The following CSMD1 variants were observed in gnomAD, a reference collection of about 807,000 sequenced individuals.
The protein encoded by CSMD1 is CUB and sushi domain-containing protein 1.
In CSMD1, 213 loss-of-function variants were observed where a neutral mutation model predicts 417.5. That is an observed-to-expected ratio of 0.51 (90% CI 0.46 to 0.57). CSMD1 has a LOEUF of 0.57. CSMD1 is among the 20% of genes least tolerant of loss of function. CSMD1 has a pLI of 0.00. For missense variants in CSMD1, 6,923 were observed against 4,529.7 expected, an observed-to-expected ratio of 1.53 and a Z score of -15.17; for synonymous variants, 2,862 against 1,736.8, an observed-to-expected ratio of 1.65 and a Z score of -16.11.
At chr8:4,787,577 C>T (rs1421286283) in intron 1 of CSMD1, 1 of 1,503,158 alleles carries the variant, frequency 6.7e-7, no homozygotes, top group Non-Finnish European at 9.2e-7. Flanking sequence ...TTTCATTGCA[C>T]CCCAGTGCGA....
At chr8:4,098,403 T>C (rs1801135652) in intron 3 of CSMD1, among the ~76,000 whole-genome samples, 1 of 141,852 alleles carries the variant, frequency 7.0e-6, no homozygotes, top group South Asian at 2.1e-4. Context: ...AATGGATTTG[T>C]CATTTTTTTC....
rs148155592 is a variant in CSMD1 at position 3,067,050 on chromosome 8, G to A, written c.7475-14403C>T. ...CCCCTCCTTCAACCTCATCTCTTTC[G>A]CTCAGCCTGTGCCAGGTGCTAAGCC... On this transcript the variant is annotated intron_variant, in intron 49 of 69. Coordinates refer to ENST00000635120, the MANE Select transcript of CSMD1 (RefSeq NM_033225.6). Among the ~76,000 whole-genome samples, 1,482 of 151,748 alleles carry A rather than the reference G, an allele frequency of 9.8e-3. 26 individuals carry two copies. Among genetic ancestry groups the A allele is most frequent in the African/African-American group, 0.034 (1,395 of 41,468 alleles).
chr8:4,338,412 G>T (rs987231187), intron 3 of CSMD1, among the ~76,000 whole-genome samples: 20 of 152,090 alleles, frequency 1.3e-4, no homozygotes, highest in African/African-American at 4.6e-4. Context: ...TAGTGTGGAT[G>T]AATCAAGACC....
intron 1 of CSMD1, among the ~76,000 whole-genome samples, chr8:4,876,599 T>G (rs1293894625): frequency 6.6e-6 from 1 of 152,142 alleles, no homozygotes; most frequent in Admixed American, 6.6e-5. Context: ...AGCCTTTTTT[T>G]GTAAACTTAG....
chr8:3,992,225 A>T (rs1288619450), intron 5 of CSMD1, among the ~76,000 whole-genome samples: 4 of 152,066 alleles, frequency 2.6e-5, no homozygotes, highest in East Asian at 3.9e-4. Context: ...TGCTATACTA[A>T]ACACTTCTAA....
At chr8:3,446,941 T>A (rs1585177394) in intron 12 of CSMD1, among the ~76,000 whole-genome samples, 1 of 152,208 alleles carries the variant, frequency 6.6e-6, no homozygotes, top group African/African-American at 2.4e-5. Flanking sequence ...ATAATTAGCA[T>A]GTTGTCTGCT....
At chr8:3,112,793 A>C (rs1816599703) in intron 42 of CSMD1, among the ~76,000 whole-genome samples, 1 of 152,208 alleles carries the variant, frequency 6.6e-6, no homozygotes, top group South Asian at 2.1e-4. Flanking sequence ...ACAGACGCTC[A>C]TCATCACATA....
intron 5 of CSMD1, among the ~76,000 whole-genome samples, chr8:3,801,630 C>T (rs993332082): frequency 1.5e-5 from 2 of 134,770 alleles, no homozygotes; most frequent in Non-Finnish European, 3.4e-5. Flanking sequence ...TTTTTCTACC[C>T]AAGAAAACTG....
intron 2 of CSMD1, among the ~76,000 whole-genome samples, chr8:4,444,834 G>A (rs1798688311): frequency 6.6e-6 from 1 of 151,992 alleles, no homozygotes; most frequent in Admixed American, 6.6e-5. Flanking sequence ...CAAGCCTTCA[G>A]GTGCAAATGA....
intron 1 of CSMD1, among the ~76,000 whole-genome samples, chr8:4,667,580 T>C (rs762522996): frequency 1.3e-5 from 2 of 152,210 alleles, no homozygotes; most frequent in Non-Finnish European, 2.9e-5. Flanking sequence ...TTTATATATT[T>C]TCTTGGATTG....
intron 1 of CSMD1, among the ~76,000 whole-genome samples, chr8:4,654,608 T>A (rs1011210816): frequency 6.6e-6 from 1 of 152,128 alleles, no homozygotes; most frequent in East Asian, 1.9e-4. Context: ...GAAGTTCATA[T>A]GGCTATAGAT....
rs532373316 is a variant in CSMD1 at position 3,124,096 on chromosome 8, T to G, written c.6242-5509A>C. 1.1e-3 allele frequency among the ~76,000 whole-genome samples: 168 copies of G among 152,336 alleles called. 1 individual carries two copies. Among genetic ancestry groups the G allele is most frequent in the African/African-American group, 3.8e-3 (159 of 41,586 alleles). ...ATCACTGAAAAAAATTGTTGTTGTT[T>G]TTTTTTCTTTTCTCAATGGCAACAA... On this transcript the variant is annotated intron_variant, in intron 41 of 69. Coordinates refer to ENST00000635120, the MANE Select transcript of CSMD1 (RefSeq NM_033225.6).
intron 2 of CSMD1, among the ~76,000 whole-genome samples, chr8:4,528,152 T>G (rs574355503): frequency 6.6e-6 from 1 of 152,320 alleles, no homozygotes; most frequent in Non-Finnish European, 1.5e-5. Flanking sequence ...TCTAAATACT[T>G]CTCAATGTCC....
intron 2 of CSMD1, among the ~76,000 whole-genome samples, chr8:4,554,600 C>A (rs1238006302): frequency 6.6e-6 from 1 of 152,174 alleles, no homozygotes; most frequent in Non-Finnish European, 1.5e-5. Context: ...ATATCATACA[C>A]CGTTCTCAGG....
chr8:3,413,490 G>A (rs1333020805), intron 12 of CSMD1, among the ~76,000 whole-genome samples: 1 of 152,176 alleles, frequency 6.6e-6, no homozygotes, highest in Non-Finnish European at 1.5e-5. Flanking sequence ...ATTAGGGGTT[G>A]ACAAGTAACT....
At chr8:3,955,172 C>T (rs772044102) in intron 5 of CSMD1, among the ~76,000 whole-genome samples, 31 of 152,196 alleles carry the variant, frequency 2.0e-4, no homozygotes, top group Non-Finnish European at 4.1e-4. Flanking sequence ...GTCCTCCTGT[C>T]CTCCACCACC....
intron 3 of CSMD1, among the ~76,000 whole-genome samples, chr8:4,277,455 C>T (rs1192686875): frequency 6.6e-6 from 1 of 152,150 alleles, no homozygotes; most frequent in East Asian, 1.9e-4. Flanking sequence ...AACCTCCTCA[C>T]CACATACTTA....
intron 1 of CSMD1, among the ~76,000 whole-genome samples, chr8:4,830,579 A>G (rs539764129): frequency 4.6e-5 from 7 of 152,360 alleles, no homozygotes; most frequent in Middle Eastern, 3.4e-3. Context: ...ATTACAAATT[A>G]GATAGATGAC....
At chr8:3,986,367 C>A (rs542542872) in intron 5 of CSMD1, among the ~76,000 whole-genome samples, 1 of 152,114 alleles carries the variant, frequency 6.6e-6, no homozygotes, top group African/African-American at 2.4e-5. Context: ...CTGAGACACC[C>A]CCAGCCAACC....
Sources: allele counts gnomAD v4.1 joint callset (sites outside exome capture counted in the v4.1 genomes callset), GRCh38; gene constraint gnomAD v4.1.1; transcripts MANE v1.5; gene names NCBI Gene and HGNC (gene_info 2026-07-23, HGNC 2026-07-21).